Variants in TENM2 observed in about 807,000 individuals in gnomAD.
The protein encoded by TENM2 is teneurin-2.
In TENM2, 52 loss-of-function variants were observed where a neutral mutation model predicts 245.2. That is an observed-to-expected ratio of 0.21 (90% CI 0.17 to 0.27). The LOEUF (loss-of-function observed/expected upper bound fraction) is 0.27, where lower values mean the gene tolerates loss of function less well. Among genes scored for constraint, TENM2 ranks in the 10% least tolerant of loss-of-function variants. The pLI is 1.00. For synonymous variants in TENM2, 1,363 were observed against 1,438.9 expected, an observed-to-expected ratio of 0.95 and a Z score of 1.19; for missense variants, 3,046 against 3,666.8, an observed-to-expected ratio of 0.83 and a Z score of 4.37.
chr5:168,170,628 G>A (rs917097670), intron 13 of TENM2, among the ~76,000 whole-genome samples: 19 of 152,156 alleles, frequency 1.2e-4, no homozygotes, highest in African/African-American at 3.9e-4. Context: ...AGATTTTTGA[G>A]AGCTTACATG....
chr5:168,259,637 G>A (rs1031673410), intron 27 of TENM2, among the ~76,000 whole-genome samples: 3 of 152,246 alleles, frequency 2.0e-5, no homozygotes, highest in African/African-American at 7.2e-5. Flanking sequence ...TGGTCCAGAG[G>A]ACTCTGCTTT....
chr5:167,056,103 A>AT, the TENM2 span, among the ~76,000 whole-genome samples: 7 of 151,826 alleles, frequency 4.6e-5, no homozygotes, highest in African/African-American at 9.7e-5. Context: ...TTTTGCTGAG[A>AT]TTTTTTTATT....
chr5:167,011,596 G>A, the TENM2 span, among the ~76,000 whole-genome samples: 45 of 152,332 alleles, frequency 3.0e-4, no homozygotes, highest in Admixed American at 5.9e-4. Context: ...TAGGGCACAA[G>A]TAGGAGACAG....
intron 3 of TENM2, among the ~76,000 whole-genome samples, chr5:167,902,168 T>G (rs1454855435): frequency 6.6e-6 from 1 of 151,596 alleles, no homozygotes; most frequent in African/African-American, 2.4e-5. Context: ...GAGAGTGGAG[T>G]GGGGAGTGGG....
chr5:167,826,685 G>A (rs1767998289), intron 2 of TENM2, among the ~76,000 whole-genome samples: 1 of 152,172 alleles, frequency 6.6e-6, no homozygotes, highest in African/African-American at 2.4e-5. Context: ...AGGCAGTGTG[G>A]CCAAAGGTTA....
chr5:167,666,656 C>T (rs1755598051), intron 2 of TENM2, among the ~76,000 whole-genome samples: 1 of 152,124 alleles, frequency 6.6e-6, no homozygotes, highest in South Asian at 2.1e-4. Context: ...ACTAGCTTTT[C>T]ATAGTAGTAA....
rs553144465 is a variant in TENM2, at chr5:167,888,938, G to C, written c.712+12743G>C. On this transcript the variant is annotated intron_variant, in intron 3 of 28. Transcript: ENST00000518659. ...TATATTTTAGTGGAAAACAGTAATT[G>C]TTTCTAAGACAGCATCTTGGAGTTG... Among the ~76,000 whole-genome samples the C allele has an allele frequency of 2.0e-5, 3 of 152,272 alleles. No individual in the cohort carries two copies. In the East Asian group the frequency reaches 5.8e-4, roughly 29 times the overall value.
At chr5:167,005,105 A>T in the TENM2 span, among the ~76,000 whole-genome samples, 1 of 152,208 alleles carries the variant, frequency 6.6e-6, no homozygotes, top group Non-Finnish European at 1.5e-5. Context: ...CCATTTAATT[A>T]GATGTCTGTG....
chr5:167,872,587 T>C (rs1050975130), intron 2 of TENM2, among the ~76,000 whole-genome samples: 4 of 149,566 alleles, frequency 2.7e-5, no homozygotes, highest in Non-Finnish European at 6.0e-5. Context: ...AGAAAGAGTA[T>C]ACCATTTGCT....
the TENM2 span, among the ~76,000 whole-genome samples, chr5:167,117,841 G>A: frequency 8.0e-6 from 1 of 124,570 alleles, no homozygotes; most frequent in African/African-American, 3.2e-5. Flanking sequence ...CCACCCAGTT[G>A]TGAATACATG....
intron 12 of TENM2, chr5:168,139,539 G>C: frequency 2.2e-6 from 1 of 456,448 alleles, no homozygotes; most frequent in East Asian, 7.0e-5. Flanking sequence ...ATTTCCCCTT[G>C]GTAGGAGGTG....
At position 168,062,143 on chromosome 5, in the gene TENM2, G is replaced by T. The variant is rs1355770249; in HGVS notation, c.1393G>T (p.Val465Leu). 2.5e-6 allele frequency: 4 copies of T among 1,613,396 alleles called. No individual in the cohort carries two copies. The highest frequency in any genetic ancestry group is 3.4e-6 in the Non-Finnish European group (4 of 1,179,806). ...GGTAACACAAGAAGTCCCACCAGGG[G>T]TGTTTTGGAGGTCACAAATTCACAT... The change falls in exon 7 of 29, where the codon GTG becomes TTG. Residue 465 changes from valine (V) to leucine (L), a missense_variant. Val to Leu is a conservative substitution (Grantham distance 32, BLOSUM62 1). Transcript: ENST00000518659.
chr5:167,976,395 G>T (rs1782448860), intron 4 of TENM2, among the ~76,000 whole-genome samples: 1 of 152,144 alleles, frequency 6.6e-6, no homozygotes, highest in African/African-American at 2.4e-5. Flanking sequence ...AAATAGTGTA[G>T]AGTACTGGGA....
intron 9 of TENM2, among the ~76,000 whole-genome samples, chr5:168,105,469 A>C (rs1426309930): frequency 6.6e-6 from 1 of 152,194 alleles, no homozygotes; most frequent in African/African-American, 2.4e-5. Context: ...CTTATCACAC[A>C]GGTGCACCTG....
At chr5:167,895,286 AAT>A (rs1775130953) in intron 3 of TENM2, among the ~76,000 whole-genome samples, 1 of 151,976 alleles carries the variant, frequency 6.6e-6, no homozygotes, top group Non-Finnish European at 1.5e-5. Context: ...TTTTGAGACT[AAT>A]CTTTGATGGC....
the TENM2 span, among the ~76,000 whole-genome samples, chr5:167,188,000 G>T: frequency 6.6e-6 from 1 of 152,094 alleles, no homozygotes; most frequent in African/African-American, 2.4e-5. Flanking sequence ...ATGGAAACCA[G>T]GTGTTAGAGC....
chr5:168,232,620 T>C lies in TENM2; in HGVS notation c.5520+4490T>C, dbSNP rs576378914. 3.9e-5 allele frequency among the ~76,000 whole-genome samples: 6 copies of C among 152,296 alleles called. No individual in the cohort carries two copies. The East Asian group carries it at 1.2e-3, about 30-fold the overall frequency. ...GCAAGCTCCTGGGAGCCTGGTCAGCTGAGGGGTGTGAGGGCCCAAGGCTCT... is the reference window on the plus strand; with the variant it reads ...GCAAGCTCCTGGGAGCCTGGTCAGCCGAGGGGTGTGAGGGCCCAAGGCTCT... On this transcript the variant is annotated intron_variant, in intron 25 of 28. Transcript: ENST00000518659.
At chr5:168,219,487 G>A (rs934439838) in intron 23 of TENM2, among the ~76,000 whole-genome samples, 1 of 152,150 alleles carries the variant, frequency 6.6e-6, no homozygotes, top group Non-Finnish European at 1.5e-5. Flanking sequence ...TATATTAAAA[G>A]ATGCGAGAGC....
intron 12 of TENM2, among the ~76,000 whole-genome samples, chr5:168,143,359 A>G (rs962718161): frequency 1.3e-5 from 2 of 151,724 alleles, no homozygotes; most frequent in African/African-American, 2.4e-5. Context: ...TTAGTATGCT[A>G]TATCTATTCT....
Sources: gnomAD v4.1 joint callset for allele counts (sites outside exome capture counted in the v4.1 genomes callset) on GRCh38, gnomAD v4.1.1 for gene constraint, MANE v1.5 for transcripts, NCBI Gene and HGNC (gene_info 2026-07-23, HGNC 2026-07-21) for gene names.